The following LRRIQ3 variants were observed in gnomAD, a reference collection of about 807,000 sequenced individuals.
LRRIQ3 encodes the protein leucine-rich repeat and IQ domain-containing protein 3.
LRRIQ3 carries 75 observed loss-of-function variants against 59.3 expected under a neutral mutation model. That is an observed-to-expected ratio of 1.26 (90% confidence interval 1.05 to 1.53). LRRIQ3 has a LOEUF of 1.53. LRRIQ3 is among the 40% of genes most tolerant of loss of function. The pLI is 0.00. For missense variants in LRRIQ3, 831 were observed against 710.0 expected (o/e 1.17, Z -1.94); for synonymous variants, 250 against 231.3 (o/e 1.08, Z -0.73).
At chr1:74,092,370 A>G (rs1466396214) in intron 5 of LRRIQ3, among the ~76,000 whole-genome samples, 2 of 152,118 alleles carry the variant, frequency 1.3e-5, no homozygotes, top group East Asian at 1.9e-4. Flanking sequence ...ACTGATAGCA[A>G]TATGGTAGCT....
chr1:74,117,200 A>G (rs1175447561), intron 4 of LRRIQ3, among the ~76,000 whole-genome samples: 1 of 152,168 alleles, frequency 6.6e-6, no homozygotes, highest in Non-Finnish European at 1.5e-5. Flanking sequence ...GTTGAAAGTA[A>G]AAATATAGAT....
At chr1:74,131,406 G>A (rs992959317) in intron 4 of LRRIQ3, among the ~76,000 whole-genome samples, 4 of 152,078 alleles carry the variant, frequency 2.6e-5, no homozygotes, top group African/African-American at 9.7e-5. Flanking sequence ...ACCAAAGCCT[G>A]GCAGAGACAC....
intron 6 of LRRIQ3, among the ~76,000 whole-genome samples, chr1:74,043,404 T>A (rs962404255): frequency 1.3e-5 from 2 of 152,030 alleles, no homozygotes; most frequent in African/African-American, 4.8e-5. Context: ...CAGTAGAAAA[T>A]AATTGAATAG....
At chr1:74,195,410 T>C (rs749431223) in intron 1 of LRRIQ3, among the ~76,000 whole-genome samples, 1 of 152,092 alleles carries the variant, frequency 6.6e-6, no homozygotes, top group Admixed American at 6.6e-5. Context: ...AAAACATTCT[T>C]CTCTATAATT....
intron 5 of LRRIQ3, among the ~76,000 whole-genome samples, chr1:74,081,296 C>T (rs1007352748): frequency 2.0e-5 from 3 of 151,556 alleles, no homozygotes; most frequent in African/African-American, 7.3e-5. Flanking sequence ...TTATATTATG[C>T]TGCAAGTGTC....
intron 3 of LRRIQ3, among the ~76,000 whole-genome samples, chr1:74,173,627 TC>T (rs1347670357): frequency 6.6e-6 from 1 of 152,070 alleles, no homozygotes; most frequent in Non-Finnish European, 1.5e-5. Context: ...ACTTTTACTG[TC>T]CCCTCCCATA....
intron 7 of LRRIQ3, among the ~76,000 whole-genome samples, chr1:74,027,377 T>C (rs959302086): frequency 2.0e-5 from 3 of 152,098 alleles, no homozygotes; most frequent in Non-Finnish European, 4.4e-5. Flanking sequence ...AGATAAGGCC[T>C]TTAAGAAGTA....
chr1:74,028,332 A>G (rs1033936857), intron 7 of LRRIQ3, among the ~76,000 whole-genome samples: 1 of 152,118 alleles, frequency 6.6e-6, no homozygotes, highest in South Asian at 2.1e-4. Flanking sequence ...CAAGATATTC[A>G]TGTTCTTTCT....
At chr1:74,164,293 A>G (rs964592335) in intron 3 of LRRIQ3, among the ~76,000 whole-genome samples, 6 of 151,520 alleles carry the variant, frequency 4.0e-5, no homozygotes, top group Admixed American at 4.0e-4. Context: ...GAGTTCTAAG[A>G]GGTAAATAAG....
In LRRIQ3 at chr1:74,041,507, T is replaced by C; in HGVS notation, c.1424A>G (p.Asn475Ser). The C allele has an allele frequency of 6.2e-7, 1 of 1,611,728 alleles. No homozygotes were observed. The highest frequency in any genetic ancestry group is 8.5e-7 in the Non-Finnish European group (1 of 1,179,456). Reference protein sequence around the residue: ...KYATQKLIEENKETIQNSLRQ... With the variant: ...KYATQKLIEESKETIQNSLRQ... ...TAAACTGTTCTGAATTGTCTCTTTA[T>C]TTTCTTCAATTAGTTTTTGTGTAGC... Residue 475 changes from asparagine (N) to serine (S), a missense_variant, in exon 7 of 8, where the codon AAT becomes AGT. Coordinates refer to ENST00000354431, the MANE Select transcript of LRRIQ3 (RefSeq NM_001105659.2).
chr1:74,157,890 C>T (rs543384794), intron 3 of LRRIQ3, among the ~76,000 whole-genome samples: 16 of 152,202 alleles, frequency 1.1e-4, no homozygotes, highest in African/African-American at 3.4e-4. Flanking sequence ...GCCTGACCTA[C>T]GTAACAATAT....
chr1:74,074,306 G>C (rs1366906624), intron 6 of LRRIQ3, among the ~76,000 whole-genome samples: 4 of 152,034 alleles, frequency 2.6e-5, no homozygotes, highest in Non-Finnish European at 5.9e-5. Flanking sequence ...ATAGAGAAAA[G>C]TGCACAAATC....
chr1:74,093,362 T>G (rs1471977429), intron 5 of LRRIQ3, among the ~76,000 whole-genome samples: 1 of 152,146 alleles, frequency 6.6e-6, no homozygotes, highest in Non-Finnish European at 1.5e-5. Flanking sequence ...GAGTGTTTAC[T>G]ATTCCTATCA....
chr1:74,028,416 T>G (rs932597862), intron 7 of LRRIQ3, among the ~76,000 whole-genome samples: 1 of 152,044 alleles, frequency 6.6e-6, no homozygotes, highest in African/African-American at 2.4e-5. Flanking sequence ...GTTGATACAT[T>G]AAAAATTCTT....
chr1:74,047,992 T>C (rs1325890461), intron 6 of LRRIQ3, among the ~76,000 whole-genome samples: 2 of 152,102 alleles, frequency 1.3e-5, no homozygotes, highest in Admixed American at 6.6e-5. Flanking sequence ...AGAAAGGCCA[T>C]ATGGACACAG....
At chr1:74,061,562 A>G (rs1654721941) in intron 6 of LRRIQ3, among the ~76,000 whole-genome samples, 1 of 152,170 alleles carries the variant, frequency 6.6e-6, no homozygotes, top group Admixed American at 6.6e-5. Flanking sequence ...CAGAAAATGA[A>G]AACTCGACCA....
At chr1:74,116,813 T>A (rs1261529948) in intron 4 of LRRIQ3, among the ~76,000 whole-genome samples, 2 of 152,004 alleles carry the variant, frequency 1.3e-5, no homozygotes, top group Non-Finnish European at 2.9e-5. Flanking sequence ...GTATTAAGAT[T>A]TTATGATAAT....
intron 7 of LRRIQ3, among the ~76,000 whole-genome samples, chr1:74,037,199 A>G (rs1653897674): frequency 6.6e-6 from 1 of 152,336 alleles, no homozygotes; most frequent in Middle Eastern, 3.4e-3. Context: ...GATGGAGTGA[A>G]TAATACAAAG....
At chr1:74,149,287 A>G (rs187391408) in intron 4 of LRRIQ3, among the ~76,000 whole-genome samples, 29 of 152,336 alleles carry the variant, frequency 1.9e-4, no homozygotes, top group Middle Eastern at 3.4e-3. Flanking sequence ...ATCATGCATC[A>G]GTAAATTCAT....
Sources: gnomAD v4.1 joint callset for allele counts (sites outside exome capture counted in the v4.1 genomes callset) on GRCh38, gnomAD v4.1.1 for gene constraint, MANE v1.5 for transcripts, NCBI Gene and HGNC (gene_info 2026-07-23, HGNC 2026-07-21) for gene names.